The following FGF13 variants were observed in gnomAD, a reference collection of about 807,000 sequenced individuals.
FGF13 encodes fibroblast growth factor 13.
FGF13 carries 2 observed loss-of-function variants against 19.5 expected under a neutral mutation model. The observed-to-expected ratio is 0.10, with a 90% CI of 0.04 to 0.32. FGF13 has a LOEUF of 0.32. Among genes scored for constraint, FGF13 ranks in the 10% least tolerant of loss-of-function variants. The pLI, the probability that FGF13 is intolerant of heterozygous loss-of-function variation, is 1.00. For missense variants in FGF13, 113 were observed against 192.7 expected (o/e 0.59, Z 2.45); for synonymous variants, 72 against 76.9 (o/e 0.94, Z 0.33).
intron 1 of FGF13, among the ~76,000 whole-genome samples, chrX:139,065,564 A>G (rs985126693): frequency 2.7e-5 from 3 of 110,609 alleles, no homozygotes; most frequent in Non-Finnish European, 5.7e-5. Context: ...ACAAAGATCA[A>G]AAGACACAAA....
At chrX:138,997,470 G>C (rs1358482403) in intron 1 of FGF13, among the ~76,000 whole-genome samples, 1 of 111,896 alleles carries the variant, frequency 8.9e-6, no homozygotes, top group Non-Finnish European at 1.9e-5. Context: ...AGAATAACCA[G>C]TATAGAGAAG....
chrX:138,972,885 T>C (rs5976238), intron 1 of FGF13, among the ~76,000 whole-genome samples: 2,384 of 93,899 alleles, frequency 0.025, 67 homozygotes, highest in African/African-American at 0.081. Context: ...GAGTTTCTTA[T>C]AGATCCTGAA....
intron 3 of FGF13, among the ~76,000 whole-genome samples, chrX:138,765,572 TGGA>T (rs956740925): frequency 8.9e-6 from 1 of 112,022 alleles, no homozygotes; most frequent in Non-Finnish European, 1.9e-5. Context: ...GTTTAAGGCC[TGGA>T]GGAGATTTCA....
chrX:138,678,386 A>G (rs2089695162), intron 3 of FGF13, among the ~76,000 whole-genome samples: 1 of 112,289 alleles, frequency 8.9e-6, no homozygotes, highest in South Asian at 3.7e-4. Flanking sequence ...AATAAAATAA[A>G]GAAATAAAGT....
intron 1 of FGF13, among the ~76,000 whole-genome samples, chrX:139,026,776 T>TTGC (rs1371706317): frequency 8.9e-6 from 1 of 111,927 alleles, no homozygotes; most frequent in Non-Finnish European, 1.9e-5. Context: ...GAAACCTTTG[T>TTGC]TGCTGCTCCA....
At chrX:138,801,481 T>A (rs780855408) in intron 3 of FGF13, among the ~76,000 whole-genome samples, 63 of 111,635 alleles carry the variant, frequency 5.6e-4, no homozygotes, top group African/African-American at 1.9e-3. Flanking sequence ...GGCACCCGCC[T>A]GATGCTAGCC....
intron 1 of FGF13, among the ~76,000 whole-genome samples, chrX:139,156,610 T>C (rs12390604): frequency 0.11 from 12,361 of 111,989 alleles, 1,088 homozygotes; most frequent in African/African-American, 0.3. Context: ...GCCCACAGGC[T>C]TAAGTCGTTC....
chrX:138,768,726 T>TATATATATA lies in FGF13; in HGVS notation c.218-59799_218-59798insTATATATAT, dbSNP rs1226957604. On this transcript the variant is annotated intron_variant, in intron 3 of 6. Transcript: ENST00000436198. ...TTATATATATATATATAAGTATATA[T>TATATATATA]TATATATATATGATATATATATATA... Among the ~76,000 whole-genome samples the TATATATATA allele has an allele frequency of 9.1e-4, 89 of 97,836 alleles. 2 individuals are homozygous for TATATATATA. Among genetic ancestry groups the TATATATATA allele is most frequent in the African/African-American group, 3.6e-3 (86 of 24,141 alleles). 85.0% of individuals were successfully genotyped at this position (97,836 alleles called of 115,157 possible).
rs146819990 is a variant in FGF13, at chrX:138,661,702, T to G, written c.403-26047A>C. Among the ~76,000 whole-genome samples the G allele has an allele frequency of 6.3e-3, 705 of 112,042 alleles. 3 individuals are homozygous for G. The highest frequency in any genetic ancestry group is 9.7e-3 in the Non-Finnish European group (515 of 53,129). On this transcript the variant is annotated intron_variant, in intron 3 of 4. Transcript: ENST00000315930. ...GAGAAGGAGAGTTGGTACATTAGGT[T>G]AGAAATAAGGGTATAGGAATAGTTG...
intron 3 of FGF13, among the ~76,000 whole-genome samples, chrX:138,753,705 T>C (rs1285599154): frequency 8.9e-6 from 1 of 111,940 alleles, no homozygotes; most frequent in Non-Finnish European, 1.9e-5. Flanking sequence ...GAACTCTCAG[T>C]GGTATAATAT....
intron 1 of FGF13, among the ~76,000 whole-genome samples, chrX:139,135,311 G>A (rs1603216264): frequency 9.0e-6 from 1 of 111,498 alleles, no homozygotes; most frequent in East Asian, 2.8e-4. Context: ...AGTATCCTGG[G>A]GCTGATCCTC....
At chrX:138,767,998 G>A in intron 3 of FGF13, among the ~76,000 whole-genome samples, 1 of 112,172 alleles carries the variant, frequency 8.9e-6, no homozygotes, top group East Asian at 2.8e-4. Context: ...GTTTTCTACT[G>A]TGGGAATATC....
intron 1 of FGF13, among the ~76,000 whole-genome samples, chrX:139,021,970 A>G (rs1441088411): frequency 8.9e-6 from 1 of 111,754 alleles, no homozygotes; most frequent in Non-Finnish European, 1.9e-5. Context: ...CAGTGACCAG[A>G]CTCTTTTATC....
At chrX:138,956,885 G>A (rs1487688436) in intron 1 of FGF13, among the ~76,000 whole-genome samples, 1 of 111,545 alleles carries the variant, frequency 9.0e-6, no homozygotes, top group African/African-American at 3.3e-5. Flanking sequence ...TCCTGTAACT[G>A]GATGATAAAT....
At chrX:138,896,924 C>T (rs1358745999) in intron 1 of FGF13, among the ~76,000 whole-genome samples, 3 of 111,680 alleles carry the variant, frequency 2.7e-5, no homozygotes, top group African/African-American at 9.8e-5. Context: ...TGACGGTGAG[C>T]ACCTAAATCC....
intron 1 of FGF13, among the ~76,000 whole-genome samples, chrX:139,110,433 T>C (rs1224655205): frequency 9.1e-6 from 1 of 110,149 alleles, no homozygotes; most frequent in Non-Finnish European, 1.9e-5. Context: ...CATACTGCTC[T>C]TGTGGTAGTG....
At chrX:139,090,661 C>T (rs1004848032) in intron 1 of FGF13, among the ~76,000 whole-genome samples, 1 of 110,753 alleles carries the variant, frequency 9.0e-6, no homozygotes, top group Non-Finnish European at 1.9e-5. Context: ...CATCTAAGGC[C>T]GAGTGTGGTG....
At chrX:139,175,869 T>C (rs1460704606) in intron 1 of FGF13, among the ~76,000 whole-genome samples, 3 of 111,951 alleles carry the variant, frequency 2.7e-5, no homozygotes, top group Non-Finnish European at 5.6e-5. Context: ...TTTTTGTTGT[T>C]GTTGTGTCTC....
intron 1 of FGF13, among the ~76,000 whole-genome samples, chrX:139,038,428 C>A (rs1308624303): frequency 9.0e-6 from 1 of 111,581 alleles, no homozygotes; most frequent in African/African-American, 3.3e-5. Context: ...CCATGACCAC[C>A]TTTTAAAACC....
Sources: gnomAD v4.1 joint callset for allele counts (sites outside exome capture counted in the v4.1 genomes callset) on GRCh38, gnomAD v4.1.1 for gene constraint, MANE v1.5 for transcripts, NCBI Gene and HGNC (gene_info 2026-07-23, HGNC 2026-07-21) for gene names.